The following PDE1A variants were observed in gnomAD, a reference collection of about 807,000 sequenced individuals.
PDE1A encodes dual specificity calcium/calmodulin-dependent 3',5'-cyclic nucleotide phosphodiesterase 1A.
A neutral mutation model predicts 61.7 loss-of-function variants in PDE1A; 35 were observed. The observed-to-expected ratio is 0.57, with a 90% confidence interval of 0.43 to 0.75. PDE1A has a LOEUF of 0.75. PDE1A is among the 30% of genes least tolerant of loss of function. The probability of loss-of-function intolerance (pLI) is 0.00; values close to 1 mark genes in which losing one functional copy is unlikely to be tolerated. For synonymous variants in PDE1A, 232 were observed against 213.2 expected (o/e 1.09, Z -0.77); for missense variants, 597 against 630.6 (o/e 0.95, Z 0.57).
the PDE1A span, among the ~76,000 whole-genome samples, chr2:182,615,654 TTTC>T: frequency 6.6e-6 from 1 of 152,208 alleles, no homozygotes; most frequent in Admixed American, 6.5e-5. Context: ...CAGGAACTTA[TTTC>T]TTAAGTTCTG....
At chr2:182,447,118 T>TAC (rs143408471) in intron 2 of PDE1A, among the ~76,000 whole-genome samples, 66,945 of 149,130 alleles carry the variant, frequency 0.45, 14,838 homozygotes, top group East Asian at 0.63. Context: ...TTTTTTCACT[T>TAC]ACACACACAC....
the PDE1A span, among the ~76,000 whole-genome samples, chr2:182,695,666 C>CAAAAA: frequency 1.4e-3 from 45 of 32,382 alleles, no homozygotes; most frequent in African/African-American, 3.6e-3. Flanking sequence ...GGCCCTCTCT[C>CAAAAA]AAAAAAAAAA....
At chr2:182,461,541 G>T (rs1386519815) in intron 2 of PDE1A, among the ~76,000 whole-genome samples, 2 of 152,098 alleles carry the variant, frequency 1.3e-5, no homozygotes, top group African/African-American at 2.4e-5. Flanking sequence ...TATTAGTTGA[G>T]CCAGAAACCA....
chr2:182,593,049 A>G, the PDE1A span, among the ~76,000 whole-genome samples: 1 of 152,196 alleles, frequency 6.6e-6, no homozygotes, highest in Non-Finnish European at 1.5e-5. Context: ...AATTAAACGT[A>G]TCTACACACA....
At chr2:182,661,371 A>C in the PDE1A span, among the ~76,000 whole-genome samples, 1 of 152,194 alleles carries the variant, frequency 6.6e-6, no homozygotes, top group Non-Finnish European at 1.5e-5. Flanking sequence ...ATAGAATTTA[A>C]ATCAATAATT....
the PDE1A span, among the ~76,000 whole-genome samples, chr2:182,715,359 T>G: frequency 6.6e-6 from 1 of 152,196 alleles, no homozygotes; most frequent in African/African-American, 2.4e-5. Flanking sequence ...GCTTCTAATG[T>G]TTGCCTTTGT....
At chr2:182,364,484 A>AAC (rs1699713706) in intron 1 of PDE1A, among the ~76,000 whole-genome samples, 1 of 146,992 alleles carries the variant, frequency 6.8e-6, no homozygotes, top group Non-Finnish European at 1.5e-5. Context: ...AAAAAAAAAA[A>AAC]AAAAAAAAAA....
intron 2 of PDE1A, among the ~76,000 whole-genome samples, chr2:182,482,569 G>T (rs1043689089): frequency 1.3e-5 from 2 of 151,908 alleles, no homozygotes; most frequent in African/African-American, 4.8e-5. Flanking sequence ...ATAATTCCAG[G>T]ATCTAGAAAT....
the PDE1A span, among the ~76,000 whole-genome samples, chr2:182,678,340 T>C: frequency 6.6e-6 from 1 of 152,130 alleles, no homozygotes; most frequent in East Asian, 1.9e-4. Flanking sequence ...GCAGAATCGT[T>C]TGAACCTGGG....
At chr2:182,675,853 A>G in the PDE1A span, among the ~76,000 whole-genome samples, 5 of 151,978 alleles carry the variant, frequency 3.3e-5, no homozygotes, top group Admixed American at 6.6e-5. Flanking sequence ...TGGATATTAG[A>G]CCTTTGTCAG....
chr2:182,209,820 C>T (rs1179461843), intron 7 of PDE1A, among the ~76,000 whole-genome samples: 2 of 152,098 alleles, frequency 1.3e-5, no homozygotes, highest in Non-Finnish European at 2.9e-5. Flanking sequence ...TTCTGTATGG[C>T]ATCTGGAACT....
intron 6 of PDE1A, among the ~76,000 whole-genome samples, chr2:182,225,717 G>A (rs1346672622): frequency 7.2e-6 from 1 of 139,194 alleles, no homozygotes; most frequent in East Asian, 1.9e-4. Context: ...CTTGTCATAT[G>A]GTAAAATAAA....
At chr2:182,453,549 C>T (rs1685675191) in intron 2 of PDE1A, among the ~76,000 whole-genome samples, 3 of 152,002 alleles carry the variant, frequency 2.0e-5, no homozygotes, top group South Asian at 2.1e-4. Flanking sequence ...TCCAGCAGCA[C>T]ATCAAAAAGC....
intron 13 of PDE1A, among the ~76,000 whole-genome samples, chr2:182,158,685 T>C (rs920057491): frequency 6.6e-6 from 1 of 152,182 alleles, no homozygotes; most frequent in African/African-American, 2.4e-5. Flanking sequence ...CCAAGACCAC[T>C]CACTACCCAG....
intron 2 of PDE1A, among the ~76,000 whole-genome samples, chr2:182,496,731 A>G (rs1574800013): frequency 1.3e-5 from 2 of 152,256 alleles, no homozygotes; most frequent in South Asian, 2.1e-4. Context: ...CACTGGCTCC[A>G]TAGGTATCTA....
intron 1 of PDE1A, among the ~76,000 whole-genome samples, chr2:182,384,272 C>T (rs1470733175): frequency 1.3e-5 from 2 of 151,912 alleles, no homozygotes; most frequent in Non-Finnish European, 2.9e-5. Context: ...ATTAAGGAAA[C>T]ATCATCAAAC....
intron 2 of PDE1A, among the ~76,000 whole-genome samples, chr2:182,436,415 T>G (rs1374156737): frequency 2.6e-5 from 4 of 152,036 alleles, no homozygotes; most frequent in African/African-American, 9.6e-5. Context: ...GGATTTAAAC[T>G]GGTCAGTAGT....
chr2:182,192,276 T>C (rs1327197209), intron 10 of PDE1A, among the ~76,000 whole-genome samples: 1 of 152,162 alleles, frequency 6.6e-6, no homozygotes, highest in Non-Finnish European at 1.5e-5. Flanking sequence ...GATTTTATAT[T>C]CTATTTGCTT....
chr2:182,590,180 A>ACATTCAGTCTCCTCTGTGTATGT, the PDE1A span, among the ~76,000 whole-genome samples: 5 of 152,158 alleles, frequency 3.3e-5, no homozygotes, highest in Non-Finnish European at 1.5e-5. Context: ...ATGTGTATAA[A>ACATTCAGTCTCCTCTGTGTATGT]CGTAGTTAGG....
Sources: allele counts gnomAD v4.1 joint callset (sites outside exome capture counted in the v4.1 genomes callset), GRCh38; gene constraint gnomAD v4.1.1; transcripts MANE v1.5; gene names NCBI Gene and HGNC (gene_info 2026-07-23, HGNC 2026-07-21).